Variants in CAND1 observed in about 807,000 individuals in gnomAD.
CAND1 encodes the protein cullin associated and neddylation dissociated 1, also known as cullin-associated NEDD8-dissociated protein 1.
Under a neutral mutation model 108.5 loss-of-function variants are expected in CAND1, and 7 were observed. That is an observed-to-expected ratio of 0.06 (90% CI 0.04 to 0.12). The LOEUF (loss-of-function observed/expected upper bound fraction) is 0.12. CAND1 is among the 10% of genes least tolerant of loss of function. The pLI, the probability that CAND1 is intolerant of heterozygous loss-of-function variation, is 1.00. For synonymous variants in CAND1, 534 were observed against 512.0 expected (o/e 1.04, Z -0.58); for missense variants, 941 against 1,448.7 (o/e 0.65, Z 5.69).
At chr12:67,270,733 C>T (rs2044513078) in intron 1 of CAND1, 1 of 147,590 alleles carries the variant, frequency 6.8e-6, no homozygotes, top group South Asian at 2.1e-4. Flanking sequence ...TGCATTCTTT[C>T]CCGCCTCCCA....
At position 67,293,156 on chromosome 12, in the gene CAND1, GTATT is replaced by G. The variant is rs2044737264; in HGVS notation, c.367+382_367+385del. 7 of 206,236 alleles carry G rather than the reference GTATT, an allele frequency of 3.4e-5. No individual in the cohort carries two copies. In the South Asian group the frequency reaches 5.3e-4, roughly 16 times the overall value. The allele number at this position is 206,236 out of a possible 1,614,324, so 12.8% of individuals were successfully genotyped here. ...CCAGTATTAATTTTACTTTGCGTCAGTATTTGCTATGTAAAATGTAACACCATTC... is the reference window on the plus strand; with the variant it reads ...CCAGTATTAATTTTACTTTGCGTCAGTGCTATGTAAAATGTAACACCATTC... On this transcript the variant is annotated intron_variant, in intron 3 of 14. Transcript: ENST00000545606.
In CAND1 at chr12:67,270,039, C is replaced by T. The variant is rs1026926750; in HGVS notation, c.68+254C>T. ...TCTAGGCCCCGTTTGCTTGTCTCAG[C>T]GCCCCCACATCCTTCCCTGCCCCAC... is the stretch of plus-strand genomic sequence containing the variant. On this transcript the variant is annotated intron_variant, in intron 1 of 14. Coordinates refer to ENST00000545606, the MANE Select transcript of CAND1 (RefSeq NM_018448.5). 5 of 478,900 alleles carry T rather than the reference C, an allele frequency of 1.0e-5. No homozygotes were observed. The South Asian group carries it at 1.2e-4, about 12-fold the overall frequency. The allele number at this position is 478,900 out of a possible 1,614,324, so 29.7% of individuals were successfully genotyped here.
intron 2 of CAND1, among the ~76,000 whole-genome samples, chr12:67,282,542 A>T (rs985034091): frequency 6.6e-6 from 1 of 151,930 alleles, no homozygotes; most frequent in Non-Finnish European, 1.5e-5. Flanking sequence ...CTGGACTAAA[A>T]TCCTCCTGCC....
intron 1 of CAND1, chr12:67,270,001 G>A: frequency 5.9e-6 from 3 of 512,682 alleles, no homozygotes; most frequent in Non-Finnish European, 1.0e-5. Flanking sequence ...CTAGGCAGTT[G>A]CCCGCCGCGG....
intron 1 of CAND1, among the ~76,000 whole-genome samples, chr12:67,272,133 G>A (rs1565711447): frequency 6.6e-6 from 1 of 152,192 alleles, no homozygotes; most frequent in Non-Finnish European, 1.5e-5. Flanking sequence ...TTGAGGGCAA[G>A]GTTAACATTA....
At chr12:67,301,017 G>A (rs1358417317) in intron 7 of CAND1, among the ~76,000 whole-genome samples, 1 of 151,982 alleles carries the variant, frequency 6.6e-6, no homozygotes, top group Non-Finnish European at 1.5e-5. Flanking sequence ...TAGTGAATAA[G>A]GACATTTGTT....
At chr12:67,282,706 A>G (rs1272902354) in intron 2 of CAND1, among the ~76,000 whole-genome samples, 2 of 152,222 alleles carry the variant, frequency 1.3e-5, no homozygotes, top group African/African-American at 4.8e-5. Flanking sequence ...AACTACTAAT[A>G]ATAAAATTCT....
intron 7 of CAND1, among the ~76,000 whole-genome samples, chr12:67,300,984 G>T (rs1053485580): frequency 6.6e-6 from 1 of 151,928 alleles, no homozygotes; most frequent in African/African-American, 2.4e-5. Context: ...GTGTTTTTGT[G>T]ATTTATAAAA....
chr12:67,269,750 G>A lies in CAND1; in HGVS notation c.33G>A (p.Leu11=). MASASYHISN[L]LEKMTSSDKD... ...GCGCCTCGTACCACATTTCCAATTT[G>A]CTGGAAAAAATGACATCCAGCGACA... Residue 11 remains leucine (L), a synonymous_variant, in exon 1 of 15, where the codon TTG becomes TTA. Coordinates refer to ENST00000545606, the MANE Select transcript of CAND1 (RefSeq NM_018448.5). 1 of 1,606,574 alleles carries A rather than the reference G, an allele frequency of 6.2e-7. No individual in the cohort carries two copies. Among genetic ancestry groups the A allele is most frequent in the Non-Finnish European group, 8.5e-7 (1 of 1,177,642 alleles).
Position 67,297,190 on chromosome 12 carries a change from G to A in CAND1, c.492-217G>A, listed in dbSNP as rs1302040329. ...ATTTAGGTCTAGATTCCCGGAGTCAGTTTGGCAATGTAAATTTCAGTGCTG... is the reference window on the plus strand; with the variant it reads ...ATTTAGGTCTAGATTCCCGGAGTCAATTTGGCAATGTAAATTTCAGTGCTG... On this transcript the variant is annotated intron_variant, in intron 4 of 14. Coordinates refer to ENST00000545606, the MANE Select transcript of CAND1 (RefSeq NM_018448.5). 5 of 625,180 alleles carry A rather than the reference G, an allele frequency of 8.0e-6. No homozygotes were observed. In the East Asian group the frequency reaches 1.4e-4, roughly 18 times the overall value. 38.7% of individuals were successfully genotyped at this position (625,180 alleles called of 1,614,324 possible).
intron 3 of CAND1, 132 bp downstream of exon 3, chr12:67,292,908 C>A: frequency 4.0e-6 from 3 of 758,150 alleles, no homozygotes; most frequent in South Asian, 1.7e-5. Flanking sequence ...TCCCTTTGGA[C>A]AATTAAGAAA....
At chr12:67,301,492 C>T (rs776477419) in intron 7 of CAND1, among the ~76,000 whole-genome samples, 1 of 152,144 alleles carries the variant, frequency 6.6e-6, no homozygotes, top group Admixed American at 6.6e-5. Flanking sequence ...TATTACCCAA[C>T]TAATTAAACC....
rs752401261 is a variant in CAND1 at position 67,302,647 on chromosome 12, G to C, written c.1293+32G>C. ...TTTAAAGTAAAGTTTAGAAAATCAT[G>C]ATAGTAAATGCAATGCTTTTAAAAT... On this transcript the variant is annotated intron_variant, in intron 8 of 14. Coordinates refer to ENST00000545606, the MANE Select transcript of CAND1 (RefSeq NM_018448.5). 25 of 1,564,772 alleles carry C rather than the reference G, an allele frequency of 1.6e-5. No individual in the cohort carries two copies. The East Asian group carries it at 4.7e-4, about 30-fold the overall frequency.
intron 8 of CAND1, among the ~76,000 whole-genome samples, chr12:67,303,510 A>G (rs2044846345): frequency 6.6e-6 from 1 of 152,242 alleles, no homozygotes; most frequent in Non-Finnish European, 1.5e-5. Flanking sequence ...TAGAGTTGCC[A>G]GGAATTCTGA....
chr12:67,290,602 A>G (rs1354093211), intron 2 of CAND1, among the ~76,000 whole-genome samples: 1 of 152,104 alleles, frequency 6.6e-6, no homozygotes, highest in African/African-American at 2.4e-5. Context: ...GTTTTTTTAA[A>G]TTTGTTTTTA....
intron 7 of CAND1, 52 bp from the exon 8 acceptor site, chr12:67,302,271 G>T: frequency 6.8e-7 from 1 of 1,479,088 alleles, no homozygotes; most frequent in Non-Finnish European, 9.2e-7. Context: ...TGTTTTAAAT[G>T]ATATACTTCT....
chr12:67,295,937 T>C (rs1304846072), intron 4 of CAND1, among the ~76,000 whole-genome samples: 1 of 152,168 alleles, frequency 6.6e-6, no homozygotes, highest in Non-Finnish European at 1.5e-5. Context: ...ATGGAAGGAT[T>C]CAAGAAAATT....
intron 3 of CAND1, 33 bp downstream of exon 3, chr12:67,292,809 T>G: frequency 6.2e-7 from 1 of 1,609,310 alleles, no homozygotes; most frequent in Non-Finnish European, 8.5e-7. Flanking sequence ...TCCTATTTCT[T>G]TTTGTGTGGA....
rs1490468931 is a variant in CAND1, at chr12:67,319,828, G to A, written c.*6998G>A. On this transcript the variant is annotated 3_prime_UTR_variant, in exon 15 of 15. Coordinates refer to ENST00000545606, the MANE Select transcript of CAND1 (RefSeq NM_018448.5). ...CCAGCTTTCTGCCTTCTAGAAATTT[G>A]TCAGAATTTCCAAAATTCTTGGGCC... 6.6e-6 allele frequency: 1 copy of A among 152,122 alleles called. No homozygotes were observed. Among genetic ancestry groups the A allele is most frequent in the Non-Finnish European group, 1.5e-5 (1 of 68,010 alleles). 9.4% of individuals were successfully genotyped at this position (152,122 alleles called of 1,614,324 possible).
Sources: gnomAD v4.1 joint callset for allele counts (sites outside exome capture counted in the v4.1 genomes callset) on GRCh38, gnomAD v4.1.1 for gene constraint, MANE v1.5 for transcripts, NCBI Gene and HGNC (gene_info 2026-07-23, HGNC 2026-07-21) for gene names.